Variants in TRIM33 observed in about 807,000 individuals in gnomAD.
TRIM33 encodes E3 ubiquitin-protein ligase TRIM33.
TRIM33 carries 20 observed loss-of-function variants against 125.4 expected under a neutral mutation model. The observed-to-expected ratio is 0.16, with a 90% CI of 0.11 to 0.23. TRIM33 has a LOEUF of 0.23. Ranked by LOEUF, TRIM33 falls within the 10% of genes least tolerant of loss-of-function variation. The pLI, the probability that TRIM33 is intolerant of heterozygous loss-of-function variation, is 1.00. For missense variants in TRIM33, 920 were observed against 1,411.4 expected, an observed-to-expected ratio of 0.65 and a Z score of 5.58; for synonymous variants, 564 against 513.9, an observed-to-expected ratio of 1.10 and a Z score of -1.32.
At chr1:114,427,130 C>G (rs1647637797) in intron 8 of TRIM33, 47 bp downstream of exon 8, 2 of 893,820 alleles carry the variant, frequency 2.2e-6, no homozygotes, top group South Asian at 1.7e-5. Context: ...TTTTCTCCTT[C>G]TAATTCAGTG....
chr1:114,463,090 T>A lies in TRIM33; in HGVS notation c.923+14A>T. 1 of 1,567,514 alleles carries A rather than the reference T, an allele frequency of 6.4e-7. No homozygotes were observed. The highest frequency in any genetic ancestry group is 8.6e-7 in the Non-Finnish European group (1 of 1,161,364). On this transcript the variant is annotated intron_variant, in intron 4 of 19. Coordinates refer to ENST00000358465, the MANE Select transcript of TRIM33 (RefSeq NM_015906.4). ...TTTATAGTATTTCCTGGTAAGCAAT[T>A]ATGATTTCTGTACCTATGTTCTTTG...
intron 18 of TRIM33, 89 bp from the exon 19 acceptor site, chr1:114,398,079 T>C: frequency 7.4e-7 from 1 of 1,360,536 alleles, no homozygotes; most frequent in South Asian, 1.3e-5. Context: ...CGACGAAAAG[T>C]CAGCCATACT....
rs1001952076 is a variant in TRIM33 at position 114,395,315 on chromosome 1, C to T, written c.*2333G>A. On this transcript the variant is annotated 3_prime_UTR_variant, in exon 20 of 20. Transcript: ENST00000358465. ...AAAAGTGGCTTTTAAATTGCTTTAA[C>T]CAATCTTAAAACCAAAAAAACCTAA... 1.2e-4 allele frequency: 24 copies of T among 204,028 alleles called. No individual in the cohort carries two copies. The highest frequency in any genetic ancestry group is 5.3e-4 in the African/African-American group (23 of 43,800). The allele number at this position is 204,028 out of a possible 1,614,324, so 12.6% of individuals were successfully genotyped here. A position where few individuals can be genotyped will look rare whatever the true frequency, so the allele number is the denominator to read the frequency against.
intron 4 of TRIM33, among the ~76,000 whole-genome samples, chr1:114,433,938 GA>G (rs1174941065): frequency 1.3e-5 from 2 of 151,976 alleles, no homozygotes; most frequent in Non-Finnish European, 2.9e-5. Flanking sequence ...CATTATGAAA[GA>G]AAAAAATTAC....
At chr1:114,431,950 A>G (rs1312439948) in intron 5 of TRIM33, among the ~76,000 whole-genome samples, 5 of 152,208 alleles carry the variant, frequency 3.3e-5, no homozygotes, top group Non-Finnish European at 7.3e-5. Context: ...AACAGAGAGT[A>G]GTTAGAGAGT....
intron 1 of TRIM33, among the ~76,000 whole-genome samples, chr1:114,482,950 G>C (rs965426103): frequency 6.6e-6 from 1 of 152,316 alleles, no homozygotes; most frequent in Middle Eastern, 3.4e-3. Flanking sequence ...TTATAGCAGT[G>C]TCAGAATGGA....
At chr1:114,416,046 G>A (rs971141956) in intron 11 of TRIM33, among the ~76,000 whole-genome samples, 7 of 151,386 alleles carry the variant, frequency 4.6e-5, no homozygotes, top group East Asian at 1.9e-4. Context: ...GACCATTTCC[G>A]TTTGATCCTT....
At position 114,465,900 on chromosome 1, in the gene TRIM33, G is replaced by A. The variant is rs376422441; in HGVS notation, c.527-1512C>T. ...ACTAAAAATTAAAAAAAAGTCAGCC[G>A]GGTGTGGTGGCACGCGCCTGTATTC... On this transcript the variant is annotated intron_variant, in intron 1 of 19. Coordinates refer to ENST00000358465, the MANE Select transcript of TRIM33 (RefSeq NM_015906.4). Among the ~76,000 whole-genome samples the A allele has an allele frequency of 1.1e-4, 16 of 152,034 alleles. No individual in the cohort carries two copies. The South Asian group carries it at 2.7e-3, about 26-fold the overall frequency.
intron 4 of TRIM33, among the ~76,000 whole-genome samples, chr1:114,435,851 C>T (rs1348869313): frequency 2.7e-5 from 4 of 147,148 alleles, no homozygotes; most frequent in Non-Finnish European, 3.0e-5. Flanking sequence ...ATCATTCTCC[C>T]GAGTAGCTGG....
At chr1:114,400,865 A>AT (rs971456011) in intron 17 of TRIM33, among the ~76,000 whole-genome samples, 58 of 152,294 alleles carry the variant, frequency 3.8e-4, no homozygotes, top group African/African-American at 1.4e-3. Context: ...ACAAAACTCA[A>AT]TGACTATAGA....
intron 11 of TRIM33, 143 bp from the exon 12 acceptor site, chr1:114,410,459 G>A (rs1652515064): frequency 1.3e-6 from 1 of 797,038 alleles, no homozygotes. Flanking sequence ...CTTCCTTAGG[G>A]TCCACTGAGG....
intron 4 of TRIM33, among the ~76,000 whole-genome samples, chr1:114,456,738 G>A (rs1198544366): frequency 6.6e-6 from 1 of 152,042 alleles, no homozygotes; most frequent in East Asian, 1.9e-4. Flanking sequence ...AGTTGATTCG[G>A]GTCCCCACAT....
Position 114,427,730 on chromosome 1 carries a change from A to G in TRIM33, c.1302+18T>C. On this transcript the variant is annotated intron_variant, in intron 7 of 19. Transcript: ENST00000358465. Reference sequence around the variant, plus strand: ...AATAAAGTCCATTAAAGAAAAATAAAAACAGTATGTGTCTCACCAGTCGCT... The same window carrying G: ...AATAAAGTCCATTAAAGAAAAATAAGAACAGTATGTGTCTCACCAGTCGCT... 2 of 1,602,290 alleles carry G rather than the reference A, an allele frequency of 1.2e-6. No individual in the cohort carries two copies.
intron 6 of TRIM33, among the ~76,000 whole-genome samples, chr1:114,429,593 C>A (rs1156877798): frequency 1.3e-5 from 2 of 150,916 alleles, no homozygotes; most frequent in African/African-American, 4.9e-5. Flanking sequence ...AATTATTCAC[C>A]TAATATTTTT....
chr1:114,503,975 A>T (rs1310660132), intron 1 of TRIM33, among the ~76,000 whole-genome samples: 3 of 152,240 alleles, frequency 2.0e-5, no homozygotes, highest in Non-Finnish European at 4.4e-5. Context: ...CATTTTAGGC[A>T]CATTTCCCAC....
chr1:114,510,963 G>A lies in TRIM33; in HGVS notation c.114C>T (p.Leu38=), dbSNP rs748005161. ...CCTCCTCCTCCACCAGCACCGCGGTGAGAGGCGGCTCCGCCTCCTGCGCGG... is the reference window on the plus strand; with the variant it reads ...CCTCCTCCTCCACCAGCACCGCGGTAAGAGGCGGCTCCGCCTCCTGCGCGG... ...GPAAQEAEPP[L]TAVLVEEEEE... The change falls in exon 1 of 20, where the codon CTC becomes CTT. Residue 38 remains leucine (L), a synonymous_variant. Transcript: ENST00000358465. The A allele has an allele frequency of 3.6e-6, 5 of 1,384,842 alleles. No individual in the cohort carries two copies. In the South Asian group the frequency reaches 8.0e-5, roughly 22 times the overall value. The allele number at this position is 1,384,842 out of a possible 1,614,324, so 85.8% of individuals were successfully genotyped here.
chr1:114,424,971 C>T (rs976535455), intron 9 of TRIM33, among the ~76,000 whole-genome samples: 1 of 151,644 alleles, frequency 6.6e-6, no homozygotes, highest in African/African-American at 2.4e-5. Context: ...TCTCTCTTAC[C>T]TGTTCCCCCT....
chr1:114,397,249 C>T lies in TRIM33; in HGVS notation c.*399G>A, dbSNP rs192165353. On this transcript the variant is annotated 3_prime_UTR_variant, in exon 20 of 20. Coordinates refer to ENST00000358465, the MANE Select transcript of TRIM33 (RefSeq NM_015906.4). ...GTTAAAAGTTGTTTTAATAACTGTG[C>T]GACCTAGTCCAAAAAGAAAATTTAT... 50 of 262,728 alleles carry T rather than the reference C, an allele frequency of 1.9e-4. No individual in the cohort carries two copies. Among genetic ancestry groups the T allele is most frequent in the African/African-American group, 9.7e-4 (44 of 45,582 alleles). The allele number at this position is 262,728 out of a possible 1,614,324, so 16.3% of individuals were successfully genotyped here.
At chr1:114,497,332 T>C (rs1015156365) in intron 1 of TRIM33, among the ~76,000 whole-genome samples, 1 of 152,236 alleles carries the variant, frequency 6.6e-6, no homozygotes, top group African/African-American at 2.4e-5. Context: ...TTTTCGCTCT[T>C]ATTGCCCAGG....
Sources: gnomAD v4.1 joint callset for allele counts (sites outside exome capture counted in the v4.1 genomes callset) on GRCh38, gnomAD v4.1.1 for gene constraint, MANE v1.5 for transcripts, NCBI Gene and HGNC (gene_info 2026-07-23, HGNC 2026-07-21) for gene names.